Variants in HMG20A observed in about 807,000 individuals in gnomAD.
The protein encoded by HMG20A is high mobility group 20A.
Under a neutral mutation model 43.9 loss-of-function variants are expected in HMG20A, and 17 were observed. The observed-to-expected ratio is 0.39, with a 90% CI of 0.27 to 0.58. The LOEUF (loss-of-function observed/expected upper bound fraction) is 0.58, where lower values mean the gene tolerates loss of function less well. Among genes scored for constraint, HMG20A ranks in the 20% least tolerant of loss-of-function variants. The pLI is 0.59. For synonymous variants in HMG20A, 132 were observed against 147.5 expected (o/e 0.89, Z 0.76); for missense variants, 341 against 438.2 (o/e 0.78, Z 1.98).
intron 2 of HMG20A, among the ~76,000 whole-genome samples, 199 bp from the exon 3 acceptor site, chr15:77,464,041 A>T (rs1488516493): frequency 6.6e-6 from 1 of 152,208 alleles, no homozygotes; most frequent in Non-Finnish European, 1.5e-5. Context: ...CATGGAACTG[A>T]CCTGGTTTAA....
At chr15:77,422,838 A>G (rs1391521459) in intron 1 of HMG20A, among the ~76,000 whole-genome samples, 1 of 152,212 alleles carries the variant, frequency 6.6e-6, no homozygotes, top group African/African-American at 2.4e-5. Context: ...CTTTGTGGTT[A>G]TTAATAGGTT....
At chr15:77,474,486 C>G (rs1386872897) in intron 6 of HMG20A, among the ~76,000 whole-genome samples, 1 of 152,230 alleles carries the variant, frequency 6.6e-6, no homozygotes, top group Non-Finnish European at 1.5e-5. Flanking sequence ...CCTTCTGTGT[C>G]ATAGTCTAAC....
chr15:77,500,165 G>A, the HMG20A span, among the ~76,000 whole-genome samples: 1 of 152,160 alleles, frequency 6.6e-6, no homozygotes, highest in Non-Finnish European at 1.5e-5. Context: ...CATAGTTGTG[G>A]TAGTTGCTTT....
the HMG20A span, among the ~76,000 whole-genome samples, chr15:77,495,409 G>A: frequency 6.6e-6 from 1 of 152,260 alleles, no homozygotes; most frequent in African/African-American, 2.4e-5. Context: ...TTTGCTGGGT[G>A]TGGTGGCACA....
rs141795851 is a variant in HMG20A, at chr15:77,431,440, G to A, written c.-5+10436G>A. Reference sequence around the variant, plus strand: ...TTGGCCAGGCTGGTCTCGAAGTCCTGACCTCAGGTGATTTGCCTGCCTTGG... The same window carrying A: ...TTGGCCAGGCTGGTCTCGAAGTCCTAACCTCAGGTGATTTGCCTGCCTTGG... On this transcript the variant is annotated intron_variant, in intron 1 of 9. Coordinates refer to ENST00000336216, the MANE Select transcript of HMG20A (RefSeq NM_001304504.2). Among the ~76,000 whole-genome samples the A allele has an allele frequency of 2.4e-3, 363 of 152,238 alleles. 3 individuals are homozygous for A. In the South Asian group the frequency reaches 0.025, roughly 11 times the overall value.
chr15:77,453,551 G>GT (rs2072624538), intron 1 of HMG20A, among the ~76,000 whole-genome samples: 2 of 152,336 alleles, frequency 1.3e-5, no homozygotes, highest in South Asian at 4.1e-4. Flanking sequence ...GGTACCAGAT[G>GT]TTCCAGCAGC....
the HMG20A span, among the ~76,000 whole-genome samples, chr15:77,491,314 C>A: frequency 6.6e-6 from 1 of 152,206 alleles, no homozygotes; most frequent in Non-Finnish European, 1.5e-5. Context: ...GGATAGAAGT[C>A]AACTGAAGGC....
At chr15:77,471,122 A>G (rs1198289058) in intron 5 of HMG20A, 80 bp downstream of exon 5, 7 of 1,366,456 alleles carry the variant, frequency 5.1e-6, no homozygotes, top group African/African-American at 1.5e-5. Context: ...AAGAGTGGTA[A>G]CTATAAAAGA....
chr15:77,474,259 G>A (rs977050702), intron 6 of HMG20A, among the ~76,000 whole-genome samples: 1 of 152,122 alleles, frequency 6.6e-6, no homozygotes, highest in African/African-American at 2.4e-5. Flanking sequence ...CAAATATCTT[G>A]CAGTGTCTAA....
the HMG20A span, among the ~76,000 whole-genome samples, chr15:77,497,655 T>TAGAGAG: frequency 0.021 from 2,706 of 127,770 alleles, 62 homozygotes; most frequent in African/African-American, 0.057. Context: ...GAGATATTAA[T>TAGAGAG]AGAGAGAGAG....
At chr15:77,508,739 G>A in the HMG20A span, among the ~76,000 whole-genome samples, 1 of 152,254 alleles carries the variant, frequency 6.6e-6, no homozygotes, top group Non-Finnish European at 1.5e-5. Flanking sequence ...CAAATGAGAA[G>A]TTTTGGAGAA....
downstream of HMG20A, among the ~76,000 whole-genome samples, chr15:77,488,215 T>C (rs956051885): frequency 2.6e-5 from 4 of 152,210 alleles, no homozygotes; most frequent in African/African-American, 9.6e-5. Flanking sequence ...AGAGATTCTC[T>C]TATTTGAATC....
chr15:77,436,173 T>C (rs1035380671), intron 1 of HMG20A, among the ~76,000 whole-genome samples: 3 of 152,210 alleles, frequency 2.0e-5, no homozygotes, highest in African/African-American at 7.2e-5. Context: ...CTTATCTCCA[T>C]AAATGACAAC....
rs1369928052 is a variant in HMG20A, at chr15:77,485,360, T to C, written c.*2397T>C. On this transcript the variant is annotated 3_prime_UTR_variant, in exon 10 of 10. Coordinates refer to ENST00000336216, the MANE Select transcript of HMG20A (RefSeq NM_001304504.2). ...TCTCAAGAAATAAGTTGTTGCCTAT[T>C]CAGTGTTACAGATTTCTTTGTTTCT... 6.6e-6 allele frequency: 1 copy of C among 152,654 alleles called. No homozygotes were observed. The highest frequency in any genetic ancestry group is 2.4e-5 in the African/African-American group (1 of 41,446). 9.5% of individuals were successfully genotyped at this position (152,654 alleles called of 1,614,324 possible). A position where few individuals can be genotyped will look rare whatever the true frequency, so the allele number is the denominator to read the frequency against.
Position 77,478,482 on chromosome 15 carries a change from C to T in HMG20A, c.879C>T (p.Thr293=), listed in dbSNP as rs2142360803. 1 of 1,611,088 alleles carries T rather than the reference C, an allele frequency of 6.2e-7. No individual in the cohort carries two copies. The highest frequency in any genetic ancestry group is 1.3e-5 in the African/African-American group (1 of 74,978). ...TGGAGACCCTGCGGCAGGTGCTGACCAGCAGCTTTGCCAGCATGCCCTTGC... is the reference window on the plus strand; with the variant it reads ...TGGAGACCCTGCGGCAGGTGCTGACTAGCAGCTTTGCCAGCATGCCCTTGC... ...QHLETLRQVL[T]SSFASMPLPG... is the part of the protein sequence containing the mutation. Residue 293 remains threonine, a synonymous_variant, in exon 8 of 10, where the codon ACC becomes ACT. Coordinates refer to ENST00000336216, the MANE Select transcript of HMG20A (RefSeq NM_001304504.2).
chr15:77,494,827 C>G, the HMG20A span, among the ~76,000 whole-genome samples: 2 of 152,186 alleles, frequency 1.3e-5, no homozygotes, highest in Non-Finnish European at 2.9e-5. Context: ...AGGTCTCACT[C>G]TAGCCTGAAC....
At chr15:77,433,362 T>A (rs1006924594) in intron 1 of HMG20A, among the ~76,000 whole-genome samples, 21 of 127,272 alleles carry the variant, frequency 1.7e-4, no homozygotes, top group East Asian at 5.2e-4. Flanking sequence ...AAAAAAAAAA[T>A]TTCTTCAAAG....
At chr15:77,454,104 G>C (rs532336807) in intron 1 of HMG20A, among the ~76,000 whole-genome samples, 1 of 151,446 alleles carries the variant, frequency 6.6e-6, no homozygotes, top group Non-Finnish European at 1.5e-5. Flanking sequence ...TGAGGCATCA[G>C]TGAGCTATGA....
chr15:77,437,068 G>A (rs1457802338), intron 1 of HMG20A, among the ~76,000 whole-genome samples: 1 of 152,142 alleles, frequency 6.6e-6, no homozygotes, highest in Non-Finnish European at 1.5e-5. Flanking sequence ...TCCTCAGTAT[G>A]CAATGTGCCT....
Sources: allele counts gnomAD v4.1 joint callset (sites outside exome capture counted in the v4.1 genomes callset), GRCh38; gene constraint gnomAD v4.1.1; transcripts MANE v1.5; gene names NCBI Gene and HGNC (gene_info 2026-07-23, HGNC 2026-07-21).